Variants in DPP3 observed in about 807,000 individuals in gnomAD.
The protein encoded by DPP3 is dipeptidyl peptidase 3.
Under a neutral mutation model 89.8 loss-of-function variants are expected in DPP3, and 64 were observed. That is an observed-to-expected ratio of 0.71 (90% CI 0.58 to 0.88). DPP3 has a LOEUF of 0.88. Ranked by LOEUF, DPP3 falls within the 40% of genes least tolerant of loss-of-function variation. DPP3 has a pLI of 0.00. For missense variants in DPP3, 835 were observed against 972.5 expected (o/e 0.86, Z 1.88); for synonymous variants, 377 against 404.3 (o/e 0.93, Z 0.81).
Position 66,491,641 on chromosome 11 carries a change from A to AC in DPP3, c.929+21dup. On this transcript the variant is annotated intron_variant, in intron 8 of 17. Coordinates refer to ENST00000531863, the MANE Select transcript of DPP3 (RefSeq NM_130443.4). The stretch of plus-strand genomic sequence containing the variant: ...CGTGGAGAGGTGAGGCGCCAGCTCC[A>AC]CCCCACCTGCCCCCTCCTGCCTGCC... The AC allele has an allele frequency of 6.2e-7, 1 of 1,609,420 alleles. No individual in the cohort carries two copies. The highest frequency in any genetic ancestry group is 2.2e-5 in the East Asian group (1 of 44,700).
At chr11:66,489,471 G>A (rs1358722690) in intron 6 of DPP3, among the ~76,000 whole-genome samples, 3 of 152,164 alleles carry the variant, frequency 2.0e-5, no homozygotes, top group Non-Finnish European at 4.4e-5. Flanking sequence ...GGCAGATGTG[G>A]GTTCAGAGGA....
chr11:66,486,849 A>G (rs1855242988), intron 4 of DPP3, among the ~76,000 whole-genome samples, 172 bp downstream of exon 4: 1 of 152,124 alleles, frequency 6.6e-6, no homozygotes, highest in Non-Finnish European at 1.5e-5. Context: ...AATGGTAAGC[A>G]TGTTGGGTCG....
rs1855745276 is a variant in DPP3 at position 66,504,141 on chromosome 11, T to C, written c.1879-471T>C. Reference sequence around the variant, plus strand: ...TTTTTCTTTCTTTCTTTTCCTTTTTTTTAGAGACGAGACGGGGTCTCACTA... The same window carrying C: ...TTTTTCTTTCTTTCTTTTCCTTTTTCTTAGAGACGAGACGGGGTCTCACTA... On this transcript the variant is annotated intron_variant, in intron 16 of 17. Transcript: ENST00000531863. Among the ~76,000 whole-genome samples, 3 of 152,128 alleles carry C rather than the reference T, an allele frequency of 2.0e-5. No homozygotes were observed. The South Asian group carries it at 6.2e-4, about 32-fold the overall frequency.
intron 6 of DPP3, among the ~76,000 whole-genome samples, chr11:66,489,775 G>T (rs76471132): frequency 1.3e-5 from 2 of 152,196 alleles, no homozygotes; most frequent in African/African-American, 4.8e-5. Context: ...CCCCAGGCTT[G>T]TTGACTCACA....
chr11:66,480,572 A>AC (rs1384777108), intron 1 of DPP3, 107 bp downstream of exon 1: 2 of 1,285,880 alleles, frequency 1.6e-6, no homozygotes, highest in African/African-American at 3.1e-5. Flanking sequence ...ACTCTCCAGT[A>AC]CCCCCTCCAA....
At position 66,480,514 on chromosome 11, in the gene DPP3, G is replaced by A. The variant is rs1043178524; in HGVS notation, c.-9+49G>A. On this transcript the variant is annotated intron_variant, in intron 1 of 17. Coordinates refer to ENST00000531863, the MANE Select transcript of DPP3 (RefSeq NM_130443.4). ...TGGGGTCAAAGCGTGTCATCCCGGGGGACCAAGGCGAATCCATACTGAGCG... is the reference window on the plus strand; with the variant it reads ...TGGGGTCAAAGCGTGTCATCCCGGGAGACCAAGGCGAATCCATACTGAGCG... 22 of 1,469,118 alleles carry A rather than the reference G, an allele frequency of 1.5e-5. No individual in the cohort carries two copies. The Admixed American group carries it at 4.7e-4, about 31-fold the overall frequency. The allele number at this position is 1,469,118 out of a possible 1,614,324, so 91.0% of individuals were successfully genotyped here. A position where few individuals can be genotyped will look rare whatever the true frequency, so the allele number is the denominator to read the frequency against.
chr11:66,509,342 A>G lies in DPP3; in HGVS notation c.*91A>G. 2 of 1,541,592 alleles carry G rather than the reference A, an allele frequency of 1.3e-6. No individual in the cohort carries two copies. Among genetic ancestry groups the G allele is most frequent in the Non-Finnish European group, 1.7e-6 (2 of 1,143,456 alleles). On this transcript the variant is annotated 3_prime_UTR_variant, in exon 18 of 18. Coordinates refer to ENST00000531863, the MANE Select transcript of DPP3 (RefSeq NM_130443.4). ...GTGTATTTAGGGGCTGGGGAGGGGGAGGGGCAGGAGCTTGGACCTTGGTAC... is the reference window on the plus strand; with the variant it reads ...GTGTATTTAGGGGCTGGGGAGGGGGGGGGGCAGGAGCTTGGACCTTGGTAC...
In DPP3 at chr11:66,491,604, C is replaced by A. The variant is rs1855390977; in HGVS notation, c.909C>A (p.Asp303Glu). The stretch of plus-strand genomic sequence containing the variant: ...GGGGCTCCCGCTTCTGGATCCAGGA[C>A]AAAGGCCCCATCGTGGAGAGGTGAG... ...HKRGSRFWIQDKGPIVESYIG... is the reference protein window; with the variant it reads ...HKRGSRFWIQEKGPIVESYIG... The change falls in exon 8 of 18, where the codon GAC becomes GAA. Residue 303 changes from aspartate (D) to glutamate (E), a missense_variant. By Grantham distance (45) the Asp-to-Glu change is conservative. Transcript: ENST00000531863. 2 of 1,613,642 alleles carry A rather than the reference C, an allele frequency of 1.2e-6. No homozygotes were observed. The highest frequency in any genetic ancestry group is 2.2e-5 in the East Asian group (1 of 44,858).
chr11:66,499,599 A>G (rs1235090314), intron 16 of DPP3, among the ~76,000 whole-genome samples: 1 of 149,742 alleles, frequency 6.7e-6, no homozygotes, highest in Non-Finnish European at 1.5e-5. Flanking sequence ...GTGAAGCCCT[A>G]TCTCTACTAA....
At chr11:66,487,725 G>A (rs1177409983) in intron 5 of DPP3, among the ~76,000 whole-genome samples, 189 bp from the exon 6 acceptor site, 1 of 152,098 alleles carries the variant, frequency 6.6e-6, no homozygotes, top group African/African-American at 2.4e-5. Context: ...ACAGTGTCCT[G>A]AGCAGAGCAG....
rs1002359383 is a variant in DPP3, at chr11:66,493,123, G to C, written c.1240G>C (p.Ala414Pro). 3 of 1,614,154 alleles carry C rather than the reference G, an allele frequency of 1.9e-6. No individual in the cohort carries two copies. The highest frequency in any genetic ancestry group is 2.5e-6 in the Non-Finnish European group (3 of 1,180,040). Reference sequence around the variant, plus strand: ...GAACGTGTCGCTGGGGAATGTGCTGGCTGTGGCCTACGCCACGCAGCGGGA... The same window carrying C: ...GAACGTGTCGCTGGGGAATGTGCTGCCTGTGGCCTACGCCACGCAGCGGGA... ...FKNVSLGNVL[A>P]VAYATQREKL... The change falls in exon 11 of 18, where the codon GCT (alanine) becomes CCT (proline). Residue 414 changes from alanine (A) to proline (P), a missense_variant. Transcript: ENST00000531863.
At chr11:66,494,190 A>G (rs546389398) in intron 12 of DPP3, among the ~76,000 whole-genome samples, 16 of 152,158 alleles carry the variant, frequency 1.1e-4, no homozygotes, top group African/African-American at 3.9e-4. Context: ...CCCCCTCCAT[A>G]CCTACCCAGG....
In DPP3 at chr11:66,493,650, C is replaced by A; in HGVS notation, c.1389+17C>A. 1 of 1,596,632 alleles carries A rather than the reference C, an allele frequency of 6.3e-7. No homozygotes were observed. The highest frequency in any genetic ancestry group is 8.5e-7 in the Non-Finnish European group (1 of 1,172,982). The stretch of plus-strand genomic sequence containing the variant: ...TTCGTACAGGTGAGAAGGCAGTGGC[C>A]AGCCCTGGCACCCCAGCCTACAGCT... On this transcript the variant is annotated intron_variant, in intron 12 of 17. Transcript: ENST00000531863.
At chr11:66,491,140 G>C in intron 6 of DPP3, 113 bp from the exon 7 acceptor site, 1 of 1,497,652 alleles carries the variant, frequency 6.7e-7, no homozygotes, top group South Asian at 1.2e-5. Context: ...GAAAATCTTA[G>C]AGTGAAAGAG....
At position 66,495,304 on chromosome 11, in the gene DPP3, G is replaced by C. The variant is rs762460503; in HGVS notation, c.1452+36G>C. 6.2e-6 allele frequency: 10 copies of C among 1,613,768 alleles called. No individual in the cohort carries two copies. In the African/African-American group the frequency reaches 1.3e-4, roughly 22 times the overall value. ...CCTCAGCAGAGCCCCAGGGTACTGGGAGGGTGGGCACAGGTGGGGCAGTGG... is the reference window on the plus strand; with the variant it reads ...CCTCAGCAGAGCCCCAGGGTACTGGCAGGGTGGGCACAGGTGGGGCAGTGG... On this transcript the variant is annotated intron_variant, in intron 13 of 17. Transcript: ENST00000531863.
chr11:66,508,928 G>A (rs1276461210), intron 17 of DPP3, 151 bp from the exon 18 acceptor site: 6 of 934,336 alleles, frequency 6.4e-6, no homozygotes, highest in Admixed American at 2.5e-5. Context: ...AGTAAATTAA[G>A]TAATTAACCT....
At chr11:66,501,501 C>G (rs1855674787) in intron 16 of DPP3, among the ~76,000 whole-genome samples, 1 of 151,796 alleles carries the variant, frequency 6.6e-6, no homozygotes, top group Admixed American at 6.6e-5. Flanking sequence ...AAACATAATC[C>G]AAGCAGAAAA....
chr11:66,485,413 C>T (rs1374185229), intron 3 of DPP3, 151 bp downstream of exon 3: 1 of 742,002 alleles, frequency 1.3e-6, no homozygotes, highest in Non-Finnish European at 2.2e-6. Flanking sequence ...GTGGGTGTCA[C>T]CAGCCTCACT....
chr11:66,487,867 T>C (rs199766637), intron 5 of DPP3, 47 bp from the exon 6 acceptor site: 12 of 1,577,256 alleles, frequency 7.6e-6, no homozygotes, highest in Non-Finnish European at 1.0e-5. Flanking sequence ...CCCACCCCAC[T>C]GCCCTCTCCA....
Sources: gnomAD v4.1 joint callset for allele counts (sites outside exome capture counted in the v4.1 genomes callset) on GRCh38, gnomAD v4.1.1 for gene constraint, MANE v1.5 for transcripts, NCBI Gene and HGNC (gene_info 2026-07-23, HGNC 2026-07-21) for gene names.